TNPO1: variants seen among roughly 807,000 people sequenced by gnomAD.
TNPO1 encodes the protein transportin-1.
A neutral mutation model predicts 119.5 loss-of-function variants in TNPO1; 8 were observed. That is an observed-to-expected ratio of 0.07 (90% CI 0.04 to 0.12). TNPO1 has a LOEUF of 0.12. Among genes scored for constraint, TNPO1 ranks in the 10% least tolerant of loss-of-function variants. The pLI, the probability that TNPO1 is intolerant of heterozygous loss-of-function variation, is 1.00. For synonymous variants in TNPO1, 362 were observed against 363.0 expected, an observed-to-expected ratio of 1.00 and a Z score of 0.03; for missense variants, 576 against 1,089.8, an observed-to-expected ratio of 0.53 and a Z score of 6.64.
chr5:72,854,726 A>G (rs997801038), intron 3 of TNPO1, among the ~76,000 whole-genome samples: 1 of 152,334 alleles, frequency 6.6e-6, no homozygotes, highest in South Asian at 2.1e-4. Context: ...GTTGATGCCA[A>G]CTGGTAAAGC....
At chr5:72,872,480 A>G (rs149963155) in intron 6 of TNPO1, among the ~76,000 whole-genome samples, 159 bp from the exon 7 acceptor site, 12 of 152,306 alleles carry the variant, frequency 7.9e-5, no homozygotes, top group South Asian at 2.1e-4. Context: ...ATATCATTCA[A>G]ATTCTTTCCT....
At chr5:72,822,908 CTTTTT>C (rs56331096) in intron 1 of TNPO1, among the ~76,000 whole-genome samples, 17 of 76,084 alleles carry the variant, frequency 2.2e-4, no homozygotes, top group African/African-American at 8.4e-4. Flanking sequence ...TGGGTCTACA[CTTTTT>C]TTTTTTTTTT....
Position 72,883,131 on chromosome 5 carries a change from C to T in TNPO1, c.1049C>T (p.Ser350Leu), listed in dbSNP as rs777038547. 2.5e-6 allele frequency: 4 copies of T among 1,613,952 alleles called. No individual in the cohort carries two copies. The highest frequency in any genetic ancestry group is 2.2e-5 in the East Asian group (1 of 44,878). The change falls in exon 11 of 25, where the codon TCG (serine) becomes TTG (leucine). Residue 350 changes from serine (S) to leucine (L), a missense_variant. Around this residue, in one of 6 missense-constraint regions of TNPO1, gnomAD observed 310 missense variants for 583.0 expected, o/e 0.53. Coordinates refer to ENST00000337273, the MANE Select transcript of TNPO1 (RefSeq NM_002270.4). ...EQDIRPRFHR[S>L]RTVAQQHDED... Reference sequence around the variant, plus strand: ...GATATACGGCCACGTTTTCACCGATCGAGGACGGTGGCTCAGCAGCATGAT... The same window carrying T: ...GATATACGGCCACGTTTTCACCGATTGAGGACGGTGGCTCAGCAGCATGAT...
At chr5:72,863,294 A>C (rs1746621020) in intron 5 of TNPO1, among the ~76,000 whole-genome samples, 1 of 151,860 alleles carries the variant, frequency 6.6e-6, no homozygotes, top group African/African-American at 2.4e-5. Flanking sequence ...CAACAAAAAA[A>C]CCCCACAGGA....
At chr5:72,837,217 A>G (rs770562933) in intron 1 of TNPO1, among the ~76,000 whole-genome samples, 6 of 152,206 alleles carry the variant, frequency 3.9e-5, no homozygotes, top group African/African-American at 9.7e-5. Context: ...TGTAAGTAGT[A>G]TAATATATTT....
In TNPO1 at chr5:72,900,549, A is replaced by G. The variant is rs574718183; in HGVS notation, c.2415-425A>G. ...CATCTACACCATAAGCTATATAGTAATAGTTTATATTGTGGCACTATATCC... is the reference window on the plus strand; with the variant it reads ...CATCTACACCATAAGCTATATAGTAGTAGTTTATATTGTGGCACTATATCC... On this transcript the variant is annotated intron_variant, in intron 21 of 24. Transcript: ENST00000337273. Among the ~76,000 whole-genome samples, 80 of 152,316 alleles carry G rather than the reference A, an allele frequency of 5.3e-4. 2 individuals are homozygous for G. The highest frequency in any genetic ancestry group is 1.7e-3 in the African/African-American group (71 of 41,580).
chr5:72,837,183 C>A (rs1037673814), intron 1 of TNPO1, among the ~76,000 whole-genome samples: 4 of 152,180 alleles, frequency 2.6e-5, no homozygotes, highest in Non-Finnish European at 5.9e-5. Context: ...TGTGCTATAA[C>A]AAAATATTTT....
At position 72,845,737 on chromosome 5, in the gene TNPO1, G is replaced by T. The variant is rs143714606; in HGVS notation, c.16-2648G>T. ...TAAGCTGTTTGAAAAGAAAACCCTAGTTGACGACAGAAATAAAGAAGGAAG... is the reference window on the plus strand; with the variant it reads ...TAAGCTGTTTGAAAAGAAAACCCTATTTGACGACAGAAATAAAGAAGGAAG... On this transcript the variant is annotated intron_variant, in intron 1 of 24. Transcript: ENST00000337273. Among the ~76,000 whole-genome samples the T allele has an allele frequency of 2.0e-3, 302 of 152,212 alleles. 3 individuals are homozygous for T. Among genetic ancestry groups the T allele is most frequent in the African/African-American group, 7.0e-3 (292 of 41,520 alleles).
At chr5:72,857,608 A>G (rs1280943800) in intron 4 of TNPO1, among the ~76,000 whole-genome samples, 2 of 152,186 alleles carry the variant, frequency 1.3e-5, no homozygotes, top group Non-Finnish European at 2.9e-5. Context: ...CAGGAGAGAA[A>G]TCTCCATACG....
At chr5:72,864,928 A>G (rs1455745243) in intron 5 of TNPO1, among the ~76,000 whole-genome samples, 1 of 152,058 alleles carries the variant, frequency 6.6e-6, no homozygotes, top group Non-Finnish European at 1.5e-5. Flanking sequence ...TTTTAATGGT[A>G]TTAATGACCT....
rs180738757 is a variant in TNPO1, at chr5:72,868,397, A to G, written c.596+2668A>G. Among the ~76,000 whole-genome samples, 234 of 125,276 alleles carry G rather than the reference A, an allele frequency of 1.9e-3. 2 individuals carry two copies. The highest frequency in any genetic ancestry group is 6.9e-3 in the African/African-American group (224 of 32,622). 82.2% of individuals were successfully genotyped at this position (125,276 alleles called of 152,430 possible). ...CAGTGAGCTGAGATTGTGCCACTGC[A>G]CTCCAGCCTGGATGACAGAGCAAGA... On this transcript the variant is annotated intron_variant, in intron 6 of 24. Transcript: ENST00000337273.
rs1272432211 is a variant in TNPO1 at position 72,908,909 on chromosome 5, T to C, written c.*236T>C. 6.6e-6 allele frequency: 3 copies of C among 453,910 alleles called. No individual in the cohort carries two copies. The highest frequency in any genetic ancestry group is 3.1e-5 in the South Asian group (2 of 64,182). 28.1% of individuals were successfully genotyped at this position (453,910 alleles called of 1,614,324 possible). On this transcript the variant is annotated 3_prime_UTR_variant, in exon 25 of 25. Transcript: ENST00000337273. ...TCTGGAGCCTTTGTGGGTGGAAATA[T>C]GTCTCCAGTTACAACTCCGCAGTGG... is the stretch of plus-strand genomic sequence containing the variant.
chr5:72,867,065 C>G (rs1357431896), intron 6 of TNPO1, among the ~76,000 whole-genome samples: 2 of 151,716 alleles, frequency 1.3e-5, no homozygotes, highest in East Asian at 3.9e-4. Context: ...GCCTATAGTC[C>G]TAGCTACTCT....
intron 20 of TNPO1, 88 bp from the exon 21 acceptor site, chr5:72,899,918 T>G: frequency 9.4e-7 from 1 of 1,064,382 alleles, no homozygotes; most frequent in Non-Finnish European, 1.4e-6. Flanking sequence ...TTATTTGTTG[T>G]TTTTTCTTTA....
At chr5:72,849,261 A>G (rs948985548) in intron 2 of TNPO1, among the ~76,000 whole-genome samples, 2 of 152,174 alleles carry the variant, frequency 1.3e-5, no homozygotes. Context: ...AGGAAAGGTT[A>G]AGAGAACCAA....
chr5:72,823,394 A>G (rs1744065706), intron 1 of TNPO1, among the ~76,000 whole-genome samples: 1 of 152,026 alleles, frequency 6.6e-6, no homozygotes. Context: ...TGCTCTTCCC[A>G]TCTATGCTAT....
chr5:72,854,767 C>G lies in TNPO1; in HGVS notation c.206-1007C>G, dbSNP rs1335169747. Among the ~76,000 whole-genome samples, 5 of 152,242 alleles carry G rather than the reference C, an allele frequency of 3.3e-5. No individual in the cohort carries two copies. In the East Asian group the frequency reaches 5.8e-4, roughly 18 times the overall value. ...GTTATGTTCTACTAGTATTAAGTAG[C>G]TTTTTGAAAATTTGTAAATACTATC... On this transcript the variant is annotated intron_variant, in intron 3 of 24. Transcript: ENST00000337273.
rs967292005 is a variant in TNPO1, at chr5:72,911,753, T to C, written c.*3080T>C. ...CTGTTAGTGTGCTCAACTACAGAAA[T>C]AGCCGCTGCTAAGTGATGTAGATTT... On this transcript the variant is annotated 3_prime_UTR_variant, in exon 25 of 25. Transcript: ENST00000337273. 6.6e-6 allele frequency: 1 copy of C among 152,558 alleles called. No individual in the cohort carries two copies. The highest frequency in any genetic ancestry group is 2.1e-4 in the South Asian group (1 of 4,834). The allele number at this position is 152,558 out of a possible 1,614,324, so 9.5% of individuals were successfully genotyped here.
At chr5:72,856,234 GTTTGTTTT>G (rs1162993403) in intron 4 of TNPO1, among the ~76,000 whole-genome samples, 1 of 151,884 alleles carries the variant, frequency 6.6e-6, no homozygotes, top group African/African-American at 2.4e-5. Context: ...TTAGAGTTCT[GTTTGTTTT>G]TTTGTTTTTT....
Sources: allele counts gnomAD v4.1 joint callset (sites outside exome capture counted in the v4.1 genomes callset), GRCh38; gene constraint gnomAD v4.1.1; regional missense constraint gnomAD v4.1.1; transcripts MANE v1.5; gene names NCBI Gene and HGNC (gene_info 2026-07-23, HGNC 2026-07-21).